Variants in PDE2A observed in about 807,000 individuals in gnomAD.
PDE2A encodes the protein cGMP-dependent 3',5'-cyclic phosphodiesterase.
PDE2A carries 53 observed loss-of-function variants against 133.6 expected under a neutral mutation model. The ratio of observed to expected loss-of-function variants is 0.40; its 90% CI spans 0.32 to 0.50. The LOEUF (loss-of-function observed/expected upper bound fraction) is 0.50, where lower values mean the gene tolerates loss of function less well. PDE2A is among the 20% of genes least tolerant of loss of function. PDE2A has a pLI of 0.73. For missense variants in PDE2A, 796 were observed against 1,232.4 expected, an observed-to-expected ratio of 0.65 and a Z score of 5.30; for synonymous variants, 491 against 490.2, an observed-to-expected ratio of 1.00 and a Z score of -0.02.
chr11:72,672,997 C>T (rs556277428), intron 1 of PDE2A, among the ~76,000 whole-genome samples: 8 of 152,096 alleles, frequency 5.3e-5, no homozygotes, highest in Admixed American at 2.6e-4. Context: ...CACACACACA[C>T]CAGCCACAGA....
chr11:72,577,124 A>ATCTC lies in PDE2A; in HGVS notation c.*259_*260insGAGA. The ATCTC allele has an allele frequency of 2.2e-6, 1 of 453,368 alleles. No individual in the cohort carries two copies. Among genetic ancestry groups the ATCTC allele is most frequent in the Non-Finnish European group, 3.9e-6 (1 of 253,666 alleles). 28.1% of individuals were successfully genotyped at this position (453,368 alleles called of 1,614,324 possible). A position where few individuals can be genotyped will look rare whatever the true frequency, so the allele number is the denominator to read the frequency against. On this transcript the variant is annotated 3_prime_UTR_variant, in exon 31 of 31. Coordinates refer to ENST00000334456, the MANE Select transcript of PDE2A (RefSeq NM_002599.5). ...GAAAGACTTGCCAAGGTGTGGTCAGAGGTGCAGAGTAGGGCCCACTGCTCA... is the reference window on the plus strand; with the variant it reads ...GAAAGACTTGCCAAGGTGTGGTCAGATCTCGGTGCAGAGTAGGGCCCACTGCTCA...
intron 1 of PDE2A, among the ~76,000 whole-genome samples, chr11:72,648,519 G>A (rs1859189936): frequency 6.6e-6 from 1 of 152,154 alleles, no homozygotes; most frequent in Admixed American, 6.5e-5. Context: ...GGGGATGGGG[G>A]CTGTAGGGTG....
intron 1 of PDE2A, among the ~76,000 whole-genome samples, chr11:72,654,200 C>T (rs770308673): frequency 1.0e-3 from 159 of 152,322 alleles, no homozygotes; most frequent in Middle Eastern, 3.4e-3. Flanking sequence ...AGAACACAGC[C>T]GCCCACCCAG....
chr11:72,591,123 A>T, intron 7 of PDE2A, 174 bp downstream of exon 7: 1 of 644,286 alleles, frequency 1.6e-6, no homozygotes, highest in Non-Finnish European at 2.8e-6. Context: ...CCCCATTTTC[A>T]GGTGTGAAAC....
At chr11:72,646,964 T>C (rs1859143119) in intron 1 of PDE2A, among the ~76,000 whole-genome samples, 1 of 152,184 alleles carries the variant, frequency 6.6e-6, no homozygotes. Flanking sequence ...CAACGAGAAG[T>C]AGCCCCCACC....
chr11:72,599,056 C>T (rs1856616811), intron 4 of PDE2A: 2 of 984,852 alleles, frequency 2.0e-6, no homozygotes, highest in East Asian at 2.3e-4. Flanking sequence ...TGGCCAAACC[C>T]TGCCCAGCTC....
chr11:72,579,848 C>A, intron 25 of PDE2A: 1 of 506,928 alleles, frequency 2.0e-6, no homozygotes, highest in South Asian at 3.7e-5. Flanking sequence ...ATGCAGGGAC[C>A]CAACAAGGTA....
At chr11:72,663,272 T>C (rs1031706186) in intron 1 of PDE2A, among the ~76,000 whole-genome samples, 4 of 152,162 alleles carry the variant, frequency 2.6e-5, no homozygotes, top group Admixed American at 1.3e-4. Flanking sequence ...AACAGGTGGC[T>C]TGGGGGGCTC....
intron 4 of PDE2A, among the ~76,000 whole-genome samples, chr11:72,599,581 C>T (rs186804051): frequency 3.3e-5 from 5 of 152,322 alleles, no homozygotes; most frequent in Admixed American, 3.3e-4. Context: ...GCCCAGCTCA[C>T]ATGGAGACAC....
intron 6 of PDE2A, 119 bp downstream of exon 6, chr11:72,596,474 T>A (rs1400838831): frequency 0.013 from 3,177 of 248,066 alleles, 29 homozygotes; most frequent in African/African-American, 0.05. Context: ...TCTCTCTCTC[T>A]CTCTCTCTCT....
At chr11:72,669,040 T>G in intron 1 of PDE2A, 1 of 848,276 alleles carries the variant, frequency 1.2e-6, no homozygotes, top group Admixed American at 5.5e-5. Context: ...TGCCAGGGGC[T>G]AAGCTCTGCA....
At chr11:72,657,777 G>A (rs1402969695) in intron 1 of PDE2A, 1 of 454,080 alleles carries the variant, frequency 2.2e-6, no homozygotes, top group East Asian at 7.0e-5. Context: ...CAATCCAGCT[G>A]TGCCCTTCCC....
At chr11:72,621,826 C>T (rs1183880767) in intron 2 of PDE2A, 1 of 151,996 alleles carries the variant, frequency 6.6e-6, no homozygotes, top group African/African-American at 2.4e-5. Flanking sequence ...CGGAAAGCTC[C>T]CCCCACCAAA....
At chr11:72,664,241 T>A (rs539172056) in intron 1 of PDE2A, among the ~76,000 whole-genome samples, 6 of 152,294 alleles carry the variant, frequency 3.9e-5, no homozygotes, top group Non-Finnish European at 7.4e-5. Context: ...ACTTGACATG[T>A]CCTGCTGGTT....
At chr11:72,619,975 T>C (rs1276536406) in intron 2 of PDE2A, among the ~76,000 whole-genome samples, 2 of 152,042 alleles carry the variant, frequency 1.3e-5, no homozygotes, top group Non-Finnish European at 2.9e-5. Context: ...GCCACCTGTG[T>C]GCACATTAGA....
chr11:72,662,622 C>G (rs1197525658), intron 1 of PDE2A, among the ~76,000 whole-genome samples: 1 of 152,126 alleles, frequency 6.6e-6, no homozygotes, highest in Non-Finnish European at 1.5e-5. Flanking sequence ...AGGGATGTCC[C>G]TAGAGGAGGG....
chr11:72,592,844 T>C (rs958399305), intron 6 of PDE2A, among the ~76,000 whole-genome samples: 13 of 151,834 alleles, frequency 8.6e-5, no homozygotes, highest in African/African-American at 3.1e-4. Context: ...AAACTTAAGC[T>C]CTGGATGAGG....
chr11:72,588,057 A>C (rs1298635787), intron 13 of PDE2A: 1 of 151,916 alleles, frequency 6.6e-6, no homozygotes, highest in Non-Finnish European at 1.5e-5. Flanking sequence ...ACTTCTCCCC[A>C]CCTATGTGAC....
At chr11:72,598,732 C>G (rs1279587942) in intron 4 of PDE2A, 24 of 1,251,688 alleles carry the variant, frequency 1.9e-5, no homozygotes, top group Non-Finnish European at 1.8e-5. Flanking sequence ...GTCAGAGACT[C>G]TAGACAAATC....
Sources: gnomAD v4.1 joint callset for allele counts (sites outside exome capture counted in the v4.1 genomes callset) on GRCh38, gnomAD v4.1.1 for gene constraint, MANE v1.5 for transcripts, NCBI Gene and HGNC (gene_info 2026-07-23, HGNC 2026-07-21) for gene names.